Variants in NEGR1 observed in about 807,000 individuals in gnomAD.
NEGR1 encodes the protein IgLON family member 4.
NEGR1 carries 10 observed loss-of-function variants against 40.9 expected under a neutral mutation model. The observed-to-expected ratio is 0.24, with a 90% confidence interval of 0.15 to 0.42. NEGR1 has a LOEUF of 0.42. Ranked by LOEUF, NEGR1 falls within the 10% of genes least tolerant of loss-of-function variation. The probability of loss-of-function intolerance (pLI) is 1.00; values close to 1 mark genes in which losing one functional copy is unlikely to be tolerated. For synonymous variants in NEGR1, 185 were observed against 166.8 expected (o/e 1.11, Z -0.84); for missense variants, 352 against 438.9 (o/e 0.80, Z 1.77).
chr1:72,274,671 C>G (rs1655976377), intron 1 of NEGR1: 1 of 908,918 alleles, frequency 1.1e-6, no homozygotes, highest in African/African-American at 1.6e-5. Flanking sequence ...ATGGAGGTAC[C>G]TATATGCTGA....
chr1:72,156,713 G>A (rs749258022), intron 1 of NEGR1, among the ~76,000 whole-genome samples: 1 of 152,104 alleles, frequency 6.6e-6, no homozygotes, highest in African/African-American at 2.4e-5. Context: ...ATGTAAAGCA[G>A]AATTGATAGA....
chr1:71,917,855 A>C (rs1368394026), intron 2 of NEGR1, among the ~76,000 whole-genome samples: 1 of 151,814 alleles, frequency 6.6e-6, no homozygotes, highest in African/African-American at 2.4e-5. Context: ...CTCTTCAAAA[A>C]GCACAAATTG....
intron 1 of NEGR1, among the ~76,000 whole-genome samples, chr1:72,058,601 C>A (rs1647134218): frequency 6.6e-6 from 1 of 151,546 alleles, no homozygotes; most frequent in African/African-American, 2.4e-5. Context: ...TGCCATTATA[C>A]CAATATTATC....
At chr1:72,147,543 CT>C (rs748656803) in intron 1 of NEGR1, among the ~76,000 whole-genome samples, 55 of 152,212 alleles carry the variant, frequency 3.6e-4, no homozygotes, top group Admixed American at 7.9e-4. Flanking sequence ...CATTTCACCC[CT>C]GGCCCCTCCA....
chr1:71,712,470 A>G (rs1393307879), intron 3 of NEGR1, among the ~76,000 whole-genome samples: 2 of 152,154 alleles, frequency 1.3e-5, no homozygotes, highest in Non-Finnish European at 2.9e-5. Context: ...GGTTCACTTT[A>G]ACATCCTATT....
intron 4 of NEGR1, among the ~76,000 whole-genome samples, chr1:71,649,024 C>T (rs917842999): frequency 2.0e-5 from 3 of 152,012 alleles, no homozygotes; most frequent in Admixed American, 6.6e-5. Flanking sequence ...TTCTTTTTCT[C>T]ATCTACAATT....
intron 3 of NEGR1, among the ~76,000 whole-genome samples, chr1:71,774,271 G>C (rs1322814691): frequency 3.3e-5 from 5 of 152,068 alleles, no homozygotes; most frequent in Non-Finnish European, 7.4e-5. Context: ...TATAACTCCT[G>C]GTTCTGAATT....
intron 6 of NEGR1, among the ~76,000 whole-genome samples, chr1:71,550,173 T>C (rs1177364138): frequency 1.3e-5 from 2 of 151,562 alleles, no homozygotes; most frequent in African/African-American, 4.8e-5. Flanking sequence ...CCTTTGCCAC[T>C]CATGTGTTGT....
chr1:72,102,978 G>A (rs901329739), intron 1 of NEGR1, among the ~76,000 whole-genome samples: 7 of 152,020 alleles, frequency 4.6e-5, no homozygotes, highest in African/African-American at 1.7e-4. Context: ...GGGGAATAAA[G>A]ATACATATCA....
chr1:72,180,627 C>T (rs187361801), intron 1 of NEGR1, among the ~76,000 whole-genome samples: 158 of 152,072 alleles, frequency 1.0e-3, no homozygotes, highest in African/African-American at 3.7e-3. Context: ...TGAAAAAAAT[C>T]ACCCAATTAA....
chr1:71,461,509 C>G (rs1405119403), intron 6 of NEGR1: 1 of 152,122 alleles, frequency 6.6e-6, no homozygotes, highest in Admixed American at 6.6e-5. Context: ...AGCAAACTGG[C>G]CGACAAAATT....
At chr1:72,191,568 T>C (rs944965195) in intron 1 of NEGR1, among the ~76,000 whole-genome samples, 1 of 151,904 alleles carries the variant, frequency 6.6e-6, no homozygotes, top group Non-Finnish European at 1.5e-5. Context: ...CCATAGGGTA[T>C]GTGTATACTT....
chr1:71,986,822 G>A (rs1646399011), intron 1 of NEGR1, among the ~76,000 whole-genome samples: 1 of 152,290 alleles, frequency 6.6e-6, no homozygotes, highest in Non-Finnish European at 1.5e-5. Flanking sequence ...CAATTCTCCT[G>A]TCAGAGATTT....
chr1:72,115,129 G>T (rs1244337322), intron 1 of NEGR1, among the ~76,000 whole-genome samples: 2 of 151,676 alleles, frequency 1.3e-5, no homozygotes, highest in African/African-American at 4.8e-5. Flanking sequence ...ATTTATGTCA[G>T]TGTGAGGCAA....
At chr1:71,507,201 C>T (rs1159648461) in intron 6 of NEGR1, among the ~76,000 whole-genome samples, 2 of 152,184 alleles carry the variant, frequency 1.3e-5, no homozygotes, top group African/African-American at 4.8e-5. Context: ...AGCTGCTAAG[C>T]AAGCCTCCTG....
chr1:72,069,787 T>G (rs989534644), intron 1 of NEGR1, among the ~76,000 whole-genome samples: 6 of 152,146 alleles, frequency 3.9e-5, no homozygotes, highest in African/African-American at 1.4e-4. Flanking sequence ...AATATTCCAC[T>G]AATCATACAT....
At chr1:71,852,612 G>A (rs1250781104) in intron 2 of NEGR1, among the ~76,000 whole-genome samples, 2 of 151,768 alleles carry the variant, frequency 1.3e-5, no homozygotes, top group African/African-American at 4.8e-5. Context: ...GACCACAACT[G>A]TTTTGTTTTG....
intron 3 of NEGR1, among the ~76,000 whole-genome samples, chr1:71,733,622 G>GA (rs1157881954): frequency 6.6e-6 from 1 of 152,068 alleles, no homozygotes; most frequent in Non-Finnish European, 1.5e-5. Context: ...TCCAATAAAG[G>GA]AAAAATTATA....
intron 1 of NEGR1, among the ~76,000 whole-genome samples, chr1:71,978,176 C>T (rs1042476992): frequency 2.0e-5 from 3 of 152,074 alleles, no homozygotes; most frequent in African/African-American, 7.2e-5. Context: ...GAGATGCAGG[C>T]CATGCTAACC....
Sources: allele counts gnomAD v4.1 joint callset (sites outside exome capture counted in the v4.1 genomes callset), GRCh38; gene constraint gnomAD v4.1.1; transcripts MANE v1.5; gene names NCBI Gene and HGNC (gene_info 2026-07-23, HGNC 2026-07-21).